Variants in CSNK1E observed in about 807,000 individuals in gnomAD.
CSNK1E encodes the protein casein kinase I isoform epsilon.
CSNK1E carries 17 observed loss-of-function variants against 46.1 expected under a neutral mutation model. The ratio of observed to expected loss-of-function variants is 0.37; its 90% CI spans 0.25 to 0.55. The LOEUF (loss-of-function observed/expected upper bound fraction) is 0.55. Ranked by LOEUF, CSNK1E falls within the 20% of genes least tolerant of loss-of-function variation. The pLI is 0.82. For synonymous variants in CSNK1E, 241 were observed against 242.6 expected (o/e 0.99, Z 0.06); for missense variants, 386 against 595.4 (o/e 0.65, Z 3.66).
At chr22:38,297,248 A>AAGTGCCC (rs1438891265) in intron 7 of CSNK1E, 1 of 704,332 alleles carries the variant, frequency 1.4e-6, no homozygotes, top group Non-Finnish European at 2.6e-6. Flanking sequence ...CTCGATAAGA[A>AAGTGCCC]AGTGCCCAGT....
Position 38,294,630 on chromosome 22 carries a change from G to A in CSNK1E, c.886-96C>T. 2 of 1,213,242 alleles carry A rather than the reference G, an allele frequency of 1.6e-6. No individual in the cohort carries two copies. Among genetic ancestry groups the A allele is most frequent in the South Asian group, 1.4e-5 (1 of 69,468 alleles). The allele number at this position is 1,213,242 out of a possible 1,614,324, so 75.2% of individuals were successfully genotyped here. On this transcript the variant is annotated intron_variant, in intron 7 of 10. Coordinates refer to ENST00000396832, the MANE Select transcript of CSNK1E (RefSeq NM_152221.3). This position sits in a 1 kb window ranked among gnomAD's most constrained non-coding sequence, Gnocchi z 5.5. ...GGGCACAGAAGGGGAGGGAGGCCAG[G>A]TGGATATCTCAGAAACCTTCTGCTC...
rs2092654164 is a variant in CSNK1E, at chr22:38,298,634, G to A, written c.885+152C>T. The A allele has an allele frequency of 1.2e-6, 1 of 842,762 alleles. No individual in the cohort carries two copies. Among genetic ancestry groups the A allele is most frequent in the East Asian group, 2.5e-5 (1 of 40,214 alleles). The allele number at this position is 842,762 out of a possible 1,614,324, so 52.2% of individuals were successfully genotyped here. Reference sequence around the variant, plus strand: ...GCTGTCAGCACGGATGAGGCTGGAGGGCTCTGGGACCCCAGTGAGGTCAAC... The same window carrying A: ...GCTGTCAGCACGGATGAGGCTGGAGAGCTCTGGGACCCCAGTGAGGTCAAC... On this transcript the variant is annotated intron_variant, in intron 7 of 10. Coordinates refer to ENST00000396832, the MANE Select transcript of CSNK1E (RefSeq NM_152221.3). This position sits in a 1 kb window ranked among gnomAD's most constrained non-coding sequence, Gnocchi z 4.2.
chr22:38,300,495 A>G lies in CSNK1E; in HGVS notation c.565+229T>C, dbSNP rs886683423. 6.6e-6 allele frequency among the ~76,000 whole-genome samples: 1 copy of G among 152,244 alleles called. No individual in the cohort carries two copies. Among genetic ancestry groups the G allele is most frequent in the African/African-American group, 2.4e-5 (1 of 41,466 alleles). ...CCTGCACCAACAGGGCGGAGGAGGA[A>G]GCAGGGCCAGGGAAGGCGCCCGGCA... On this transcript the variant is annotated intron_variant, in intron 5 of 10. Coordinates refer to ENST00000396832, the MANE Select transcript of CSNK1E (RefSeq NM_152221.3). The surrounding 1 kb of genome is among the most constrained non-coding windows in gnomAD (Gnocchi z 4.4).
chr22:38,313,073 C>A, intron 2 of CSNK1E, among the ~76,000 whole-genome samples: 1 of 152,198 alleles, frequency 6.6e-6, no homozygotes, highest in East Asian at 1.9e-4. Flanking sequence ...CAGTCTCCGT[C>A]CCCGTCTCCA....
chr22:38,296,309 A>G, intron 7 of CSNK1E: 1 of 1,322,126 alleles, frequency 7.6e-7, no homozygotes, highest in Non-Finnish European at 9.7e-7. Flanking sequence ...GCTGTGTTGA[A>G]TTCCTTCCCG....
intron 1 of CSNK1E, 63 bp from the exon 2 acceptor site, chr22:38,314,232 A>G (rs2092733800): frequency 7.4e-7 from 1 of 1,349,012 alleles, no homozygotes; most frequent in South Asian, 1.2e-5. Flanking sequence ...GGTCCAGTCC[A>G]CCAAGGCCAG....
Position 38,303,086 on chromosome 22 carries a change from G to T in CSNK1E, c.187+52C>A. On this transcript the variant is annotated intron_variant, in intron 3 of 10. Coordinates refer to ENST00000396832, the MANE Select transcript of CSNK1E (RefSeq NM_152221.3). The surrounding 1 kb of genome is among the most constrained non-coding windows in gnomAD (Gnocchi z 4.7). Reference sequence around the variant, plus strand: ...CACGCCCGGCCCACCCTGTGCTCATGGCTGCCCACCGCCACCCACCCGGCG... The same window carrying T: ...CACGCCCGGCCCACCCTGTGCTCATTGCTGCCCACCGCCACCCACCCGGCG... 1 of 1,599,288 alleles carries T rather than the reference G, an allele frequency of 6.3e-7. No homozygotes were observed.
chr22:38,298,194 AGGAAGCC>A lies in CSNK1E; in HGVS notation c.885+585_885+591del. 1 of 1,303,944 alleles carries A rather than the reference AGGAAGCC, an allele frequency of 7.7e-7. No homozygotes were observed. Among genetic ancestry groups the A allele is most frequent in the South Asian group, 1.2e-5 (1 of 80,998 alleles). 80.8% of individuals were successfully genotyped at this position (1,303,944 alleles called of 1,614,324 possible). A position where few individuals can be genotyped will look rare whatever the true frequency, so the allele number is the denominator to read the frequency against. ...CTGTCACGGGGCTGAGCCTGGCTCG[AGGAAGCC>A]CCCTTTTCCAGAAGAGATGTGAAAC... On this transcript the variant is annotated intron_variant, in intron 7 of 10. Transcript: ENST00000396832. The surrounding 1 kb of genome is among the most constrained non-coding windows in gnomAD (Gnocchi z 4.2).
Position 38,293,059 on chromosome 22 carries a change from T to C in CSNK1E, c.*32+196A>G, listed in dbSNP as rs1450493237. On this transcript the variant is annotated intron_variant, in intron 10 of 10. Transcript: ENST00000396832. Reference sequence around the variant, plus strand: ...ATCCATGAGGGGTCAGGCCTGAGCATAGAAACCCTTGGCCCCAAGTCAGGC... The same window carrying C: ...ATCCATGAGGGGTCAGGCCTGAGCACAGAAACCCTTGGCCCCAAGTCAGGC... 1.3e-4 allele frequency: 80 copies of C among 602,764 alleles called. 2 individuals are homozygous for C. In the East Asian group the frequency reaches 2.1e-3, roughly 16 times the overall value. 37.3% of individuals were successfully genotyped at this position (602,764 alleles called of 1,614,324 possible).
intron 9 of CSNK1E, among the ~76,000 whole-genome samples, chr22:38,293,727 C>A (rs1482779619): frequency 2.0e-5 from 3 of 152,098 alleles, no homozygotes; most frequent in Admixed American, 6.5e-5. Context: ...GAGGATGGGA[C>A]CTCACTGCCC....
chr22:38,310,673 A>C (rs1307069903), intron 2 of CSNK1E, among the ~76,000 whole-genome samples: 2 of 152,296 alleles, frequency 1.3e-5, no homozygotes, highest in East Asian at 3.9e-4. Context: ...CCACCTCTGG[A>C]CCCTGCATGG....
At position 38,309,065 on chromosome 22, in the gene CSNK1E, C is replaced by G. The variant is rs2092710395; in HGVS notation, c.76+5017G>C. ...GGGGCTGCCCTGGGCACTGCACAGTCTAACAGCACCCATGACTTCTACCCA... is the reference window on the plus strand; with the variant it reads ...GGGGCTGCCCTGGGCACTGCACAGTGTAACAGCACCCATGACTTCTACCCA... On this transcript the variant is annotated intron_variant, in intron 2 of 10. Transcript: ENST00000396832. This position sits in a 1 kb window ranked among gnomAD's most constrained non-coding sequence, Gnocchi z 4.8. Among the ~76,000 whole-genome samples, 1 of 152,256 alleles carries G rather than the reference C, an allele frequency of 6.6e-6. No individual in the cohort carries two copies. The highest frequency in any genetic ancestry group is 1.9e-4 in the East Asian group (1 of 5,190).
rs2092645301 is a variant in CSNK1E, at chr22:38,297,160, A to G, written c.885+1626T>C. 4 of 778,658 alleles carry G rather than the reference A, an allele frequency of 5.1e-6. No homozygotes were observed. In the East Asian group the frequency reaches 7.3e-5, roughly 14 times the overall value. 48.2% of individuals were successfully genotyped at this position (778,658 alleles called of 1,614,324 possible). ...ACCATCTTGGACAGTGTCCGTCTAG[A>G]GAATACAAAATCCATTCTTGCAGTT... On this transcript the variant is annotated intron_variant, in intron 7 of 10. Coordinates refer to ENST00000396832, the MANE Select transcript of CSNK1E (RefSeq NM_152221.3).
intron 7 of CSNK1E, chr22:38,295,384 T>C (rs1037438603): frequency 4.7e-5 from 46 of 983,676 alleles, no homozygotes; most frequent in African/African-American, 3.7e-4. Context: ...CCGACTGCGT[T>C]ACCTAGTTCA....
chr22:38,296,439 T>C lies in CSNK1E; in HGVS notation c.886-1905A>G, dbSNP rs2092641072. 3 of 1,473,214 alleles carry C rather than the reference T, an allele frequency of 2.0e-6. No homozygotes were observed. The Admixed American group carries it at 7.4e-5, about 36-fold the overall frequency. 91.3% of individuals were successfully genotyped at this position (1,473,214 alleles called of 1,614,324 possible). ...CAACAACACAGGGTGTCCTGTCTAC[T>C]GTTGGGTAGCATGGGAAGGGCCTGG... On this transcript the variant is annotated intron_variant, in intron 7 of 10. Coordinates refer to ENST00000396832, the MANE Select transcript of CSNK1E (RefSeq NM_152221.3).
Position 38,299,967 on chromosome 22 carries a change from G to A in CSNK1E, c.664C>T (p.Arg222Cys). ...PWQGLKAATK[R>C]QKYERISEKK... is the part of the protein sequence containing the mutation. ...TCGCTGATCCGTTCATACTTCTGGCGCTTGGTGGCTGCTTTGAGCCCCTGC... is the reference window on the plus strand; with the variant it reads ...TCGCTGATCCGTTCATACTTCTGGCACTTGGTGGCTGCTTTGAGCCCCTGC... The change falls in exon 6 of 11, where the codon CGC becomes TGC. Residue 222 changes from arginine to cysteine, a missense_variant. Physicochemically the swap from Arg to Cys is radical, Grantham distance 180. Coordinates refer to ENST00000396832, the MANE Select transcript of CSNK1E (RefSeq NM_152221.3). 1.2e-6 allele frequency: 2 copies of A among 1,614,206 alleles called. No individual in the cohort carries two copies. The highest frequency in any genetic ancestry group is 8.5e-7 in the Non-Finnish European group (1 of 1,180,038).
At position 38,303,395 on chromosome 22, in the gene CSNK1E, G is replaced by C; in HGVS notation, c.77-147C>G. 1 of 676,926 alleles carries C rather than the reference G, an allele frequency of 1.5e-6. No individual in the cohort carries two copies. Among genetic ancestry groups the C allele is most frequent in the Non-Finnish European group, 2.5e-6 (1 of 407,190 alleles). The allele number at this position is 676,926 out of a possible 1,614,324, so 41.9% of individuals were successfully genotyped here. A position where few individuals can be genotyped will look rare whatever the true frequency, so the allele number is the denominator to read the frequency against. On this transcript the variant is annotated intron_variant, in intron 2 of 10. Transcript: ENST00000396832. This position sits in a 1 kb window ranked among gnomAD's most constrained non-coding sequence, Gnocchi z 4.7. Reference sequence around the variant, plus strand: ...AGCTCTTGGGGGAGGCTGGGAAGGGGGCAAAGGAGCCCCGGCAAAGGGTTC... The same window carrying C: ...AGCTCTTGGGGGAGGCTGGGAAGGGCGCAAAGGAGCCCCGGCAAAGGGTTC...
intron 4 of CSNK1E, among the ~76,000 whole-genome samples, chr22:38,301,747 C>G (rs1194236923): frequency 6.6e-6 from 1 of 152,078 alleles, no homozygotes; most frequent in East Asian, 1.9e-4. Context: ...TTTTAAAACT[C>G]AAACTAATAT....
chr22:38,296,864 T>G (rs1458279214), intron 7 of CSNK1E: 1 of 726,312 alleles, frequency 1.4e-6, no homozygotes, highest in Admixed American at 2.8e-5. Context: ...AATCTCTGCC[T>G]CCTGGGTTCA....
Sources: gnomAD v4.1 joint callset for allele counts (sites outside exome capture counted in the v4.1 genomes callset) on GRCh38, gnomAD v4.1.1 for gene constraint, Gnocchi (gnomAD v3.1) non-coding constraint, MANE v1.5 for transcripts, NCBI Gene and HGNC (gene_info 2026-07-23, HGNC 2026-07-21) for gene names.